HSF5: variants seen among roughly 807,000 people sequenced by gnomAD.
HSF5 encodes the protein heat shock transcription factor 5.
In HSF5, 5 loss-of-function variants were observed where a neutral mutation model predicts 50.8. The observed-to-expected ratio is 0.10, with a 90% CI of 0.05 to 0.21. HSF5 has a LOEUF of 0.21. Among genes scored for constraint, HSF5 ranks in the 10% least tolerant of loss-of-function variants. The pLI is 1.00. For synonymous variants in HSF5, 307 were observed against 307.4 expected (o/e 1.00, Z 0.02); for missense variants, 564 against 762.6 (o/e 0.74, Z 3.07).
rs535802091 is a variant in HSF5, at chr17:58,436,419, T to A, written c.1721-13989A>T. ...CCTCTTGTCCATAATAAAATGAAAATGTGATTAGGTGTCATAATGATGCCA... is the reference window on the plus strand; with the variant it reads ...CCTCTTGTCCATAATAAAATGAAAAAGTGATTAGGTGTCATAATGATGCCA... On this transcript the variant is annotated intron_variant, in intron 5 of 5. Transcript: ENST00000323777. Among the ~76,000 whole-genome samples, 5 of 151,972 alleles carry A rather than the reference T, an allele frequency of 3.3e-5. No homozygotes were observed. In the East Asian group the frequency reaches 9.6e-4, roughly 29 times the overall value.
intron 4 of HSF5, among the ~76,000 whole-genome samples, 165 bp downstream of exon 4, chr17:58,462,617 T>C (rs948786267): frequency 7.9e-5 from 12 of 152,206 alleles, no homozygotes; most frequent in Non-Finnish European, 1.5e-4. Flanking sequence ...GTAACTTCTT[T>C]CTGAATCTTT....
intron 5 of HSF5, among the ~76,000 whole-genome samples, chr17:58,450,360 AAAAG>A (rs1974621798): frequency 6.6e-6 from 1 of 151,052 alleles, no homozygotes; most frequent in Non-Finnish European, 1.5e-5. Context: ...AAAAAAAAAA[AAAAG>A]ATATGCATAG....
intron 2 of HSF5, chr17:58,476,591 A>T: frequency 6.6e-7 from 1 of 1,524,524 alleles, no homozygotes; most frequent in Non-Finnish European, 9.1e-7. Flanking sequence ...CTGTAACCTG[A>T]TTTAATATCT....
In HSF5 at chr17:58,480,062, C is replaced by A. The variant is rs1299413262; in HGVS notation, c.756G>T (p.Gly252=). The A allele has an allele frequency of 1.2e-6, 2 of 1,614,074 alleles. No individual in the cohort carries two copies. Among genetic ancestry groups the A allele is most frequent in the East Asian group, 2.2e-5 (1 of 44,880 alleles). ...ACCTCTGGAGTACAGGAAACGGAAC[C>A]CCTTTATCTGAAAATGTGGGAGATG... is the stretch of plus-strand genomic sequence containing the variant. ...VETSPTFSDK[G]VPFPVLQRFP... The change falls in exon 2 of 6, where the codon GGG becomes GGT. Residue 252 remains glycine, a synonymous_variant. Coordinates refer to ENST00000323777, the MANE Select transcript of HSF5 (RefSeq NM_001080439.3).
chr17:58,430,687 C>G (rs1974353283), intron 5 of HSF5, among the ~76,000 whole-genome samples: 1 of 152,126 alleles, frequency 6.6e-6, no homozygotes. Context: ...GTTCTGTGGC[C>G]TTTACACTTG....
intron 5 of HSF5, among the ~76,000 whole-genome samples, chr17:58,449,348 T>G (rs1974602881): frequency 6.6e-6 from 1 of 152,172 alleles, no homozygotes; most frequent in Non-Finnish European, 1.5e-5. Flanking sequence ...GCTGAATGGA[T>G]TTTTTAAAAG....
chr17:58,444,884 A>C (rs750942143), intron 5 of HSF5, among the ~76,000 whole-genome samples: 35 of 152,226 alleles, frequency 2.3e-4, no homozygotes, highest in Non-Finnish European at 3.7e-4. Context: ...CAACTGAACA[A>C]CACCAAAAAA....
At chr17:58,486,592 C>T (rs1307529586) in intron 1 of HSF5, among the ~76,000 whole-genome samples, 2 of 152,038 alleles carry the variant, frequency 1.3e-5, no homozygotes, top group African/African-American at 2.4e-5. Context: ...CTAATCATAC[C>T]CCTTTAAGGA....
chr17:58,456,661 T>C (rs1177460581), intron 5 of HSF5, among the ~76,000 whole-genome samples: 14 of 152,208 alleles, frequency 9.2e-5, no homozygotes. Flanking sequence ...AAAAATCACA[T>C]TGTACCTCAT....
intron 1 of HSF5, among the ~76,000 whole-genome samples, chr17:58,481,306 G>A (rs955277547): frequency 2.0e-5 from 3 of 152,012 alleles, no homozygotes; most frequent in Non-Finnish European, 2.9e-5. Flanking sequence ...ACAAATCCAG[G>A]CCCAGAGATT....
chr17:58,471,549 C>G (rs945880771), intron 2 of HSF5, among the ~76,000 whole-genome samples: 1 of 151,962 alleles, frequency 6.6e-6, no homozygotes, highest in Non-Finnish European at 1.5e-5. Context: ...ATGATACACA[C>G]ATACGTATTT....
chr17:58,476,975 G>A (rs568329244), intron 2 of HSF5: 5 of 619,064 alleles, frequency 8.1e-6, no homozygotes, highest in Non-Finnish European at 2.8e-6. Context: ...AGACGGGGGC[G>A]GGGGAAGGGA....
chr17:58,465,174 T>C (rs1974846080), intron 3 of HSF5, among the ~76,000 whole-genome samples: 1 of 132,416 alleles, frequency 7.6e-6, no homozygotes, highest in African/African-American at 2.8e-5. Flanking sequence ...CCTTCCTTTA[T>C]TTCTTTTCTT....
At chr17:58,470,024 G>A (rs117304431) in intron 2 of HSF5, among the ~76,000 whole-genome samples, 2,097 of 152,218 alleles carry the variant, frequency 0.014, 35 homozygotes, top group South Asian at 0.026. Flanking sequence ...ATAGTATAAT[G>A]TCAACAGTGA....
chr17:58,438,001 T>C (rs1974448395), intron 5 of HSF5, among the ~76,000 whole-genome samples: 1 of 152,186 alleles, frequency 6.6e-6, no homozygotes, highest in South Asian at 2.1e-4. Flanking sequence ...TTTATAGGGC[T>C]ATACGAATTT....
At chr17:58,475,566 T>C (rs994078558) in intron 2 of HSF5, among the ~76,000 whole-genome samples, 1 of 152,168 alleles carries the variant, frequency 6.6e-6, no homozygotes, top group Non-Finnish European at 1.5e-5. Context: ...CAATTAAACA[T>C]GCAAAAAGAG....
chr17:58,429,158 T>C (rs1974333140), intron 5 of HSF5, among the ~76,000 whole-genome samples: 1 of 152,206 alleles, frequency 6.6e-6, no homozygotes, highest in African/African-American at 2.4e-5. Context: ...CACACACATA[T>C]TGCATTATTT....
intron 1 of HSF5, among the ~76,000 whole-genome samples, chr17:58,481,602 T>C (rs1227132743): frequency 6.6e-6 from 1 of 152,262 alleles, no homozygotes; most frequent in Non-Finnish European, 1.5e-5. Context: ...AACTACACGT[T>C]GAAAGTTAAC....
rs376713151 is a variant in HSF5, at chr17:58,442,862, T to A, written c.1720+15906A>T. On this transcript the variant is annotated intron_variant, in intron 5 of 5. Coordinates refer to ENST00000323777, the MANE Select transcript of HSF5 (RefSeq NM_001080439.3). ...AAGTGATTCTCCTGCCTCAACCTCC[T>A]GAGGAGCTGGGACTACAGGCATGCA... Among the ~76,000 whole-genome samples, 978 of 151,638 alleles carry A rather than the reference T, an allele frequency of 6.4e-3. 12 individuals carry two copies. The highest frequency in any genetic ancestry group is 0.022 in the African/African-American group (909 of 41,344).
Sources: gnomAD v4.1 joint callset for allele counts (sites outside exome capture counted in the v4.1 genomes callset) on GRCh38, gnomAD v4.1.1 for gene constraint, MANE v1.5 for transcripts, NCBI Gene and HGNC (gene_info 2026-07-23, HGNC 2026-07-21) for gene names.